FAM114A1: variants seen among roughly 807,000 people sequenced by gnomAD.
FAM114A1 encodes family with sequence similarity 114 member A1.
In FAM114A1, 62 loss-of-function variants were observed where a neutral mutation model predicts 64.3. The ratio of observed to expected loss-of-function variants is 0.96; its 90% confidence interval spans 0.79 to 1.19. The LOEUF is 1.19. Ranked by LOEUF, FAM114A1 falls within the 50% of genes most tolerant of loss-of-function variation. The pLI, the probability that FAM114A1 is intolerant of heterozygous loss-of-function variation, is 0.00. For missense variants in FAM114A1, 645 were observed against 676.3 expected (o/e 0.95, Z 0.51); for synonymous variants, 254 against 251.1 (o/e 1.01, Z -0.11).
In FAM114A1 at chr4:38,931,610, G is replaced by A; in HGVS notation, c.1321G>A (p.Glu441Lys). The A allele has an allele frequency of 6.2e-7, 1 of 1,611,570 alleles. No individual in the cohort carries two copies. The highest frequency in any genetic ancestry group is 8.5e-7 in the Non-Finnish European group (1 of 1,179,046). ...KKEEKKTKTI[E>K]EVYMSSIESL... is the part of the protein sequence containing the mutation. ...GGAGGAAAAGAAAACTAAGACCATA[G>A]AGGTAAATTCATTCTAGATTGTCTG... The change falls in exon 11 of 15, where the codon GAG becomes AAG. Residue 441 changes from glutamate to lysine, a missense_variant and splice_region_variant. By Grantham distance (56) the Glu-to-Lys change is moderately conservative (BLOSUM62 1). Coordinates refer to ENST00000358869, the MANE Select transcript of FAM114A1 (RefSeq NM_138389.4).
At chr4:38,905,338 G>C (rs1289120787) in intron 4 of FAM114A1, among the ~76,000 whole-genome samples, 184 bp from the exon 5 acceptor site, 1 of 151,782 alleles carries the variant, frequency 6.6e-6, no homozygotes, top group Non-Finnish European at 1.5e-5. Flanking sequence ...GGCGGAGGTT[G>C]CAGTGAGCCA....
At position 38,915,134 on chromosome 4, in the gene FAM114A1, G is replaced by A. The variant is rs115833611; in HGVS notation, c.945+61G>A. On this transcript the variant is annotated intron_variant, in intron 8 of 14. Transcript: ENST00000358869. ...AGTCATGTGTTGCTTAAACATGAAAGAAACTGGAAAATCTGCCATTAAAAG... is the reference window on the plus strand; with the variant it reads ...AGTCATGTGTTGCTTAAACATGAAAAAAACTGGAAAATCTGCCATTAAAAG... 7.9e-4 allele frequency: 1,235 copies of A among 1,572,408 alleles called. 13 individuals are homozygous for A. In the African/African-American group the frequency reaches 0.015, roughly 19 times the overall value.
At chr4:38,940,669 G>A (rs1721515469) in intron 13 of FAM114A1, among the ~76,000 whole-genome samples, 4 of 152,168 alleles carry the variant, frequency 2.6e-5, no homozygotes, top group Admixed American at 6.5e-5. Context: ...AAAAGGTCTC[G>A]GTTTCAATTT....
intron 4 of FAM114A1, among the ~76,000 whole-genome samples, chr4:38,896,793 T>C (rs1201950608): frequency 6.6e-6 from 1 of 152,220 alleles, no homozygotes; most frequent in Non-Finnish European, 1.5e-5. Context: ...GGAAAACAGA[T>C]CATTCACAGT....
chr4:38,879,958 A>C (rs1367314839), intron 3 of FAM114A1, among the ~76,000 whole-genome samples: 1 of 152,072 alleles, frequency 6.6e-6, no homozygotes, highest in African/African-American at 2.4e-5. Flanking sequence ...AGTCCCTGCT[A>C]CTTAGGAAGA....
In FAM114A1 at chr4:38,905,831, G is replaced by A; in HGVS notation, c.627G>A (p.Leu209=). 6.2e-7 allele frequency: 1 copy of A among 1,613,972 alleles called. No homozygotes were observed. The highest frequency in any genetic ancestry group is 8.5e-7 in the Non-Finnish European group (1 of 1,179,968). Residue 209 remains leucine (L), a synonymous_variant, in exon 6 of 15, where the codon CTG becomes CTA. Transcript: ENST00000358869. Reference sequence around the variant, plus strand: ...CTTCATCAGCCTCTCGGGGTATGCTGTCTGCCATCACCAATGTGGTTCAAA... The same window carrying A: ...CTTCATCAGCCTCTCGGGGTATGCTATCTGCCATCACCAATGTGGTTCAAA... ...TSPSSASRGM[L]SAITNVVQNT... is the part of the protein sequence containing the mutation.
intron 3 of FAM114A1, among the ~76,000 whole-genome samples, chr4:38,888,092 A>G (rs1038550188): frequency 6.6e-6 from 1 of 152,214 alleles, no homozygotes; most frequent in African/African-American, 2.4e-5. Context: ...TTTGAATTTG[A>G]TGGAGTTCTG....
chr4:38,922,011 G>C (rs556250556), intron 8 of FAM114A1, among the ~76,000 whole-genome samples: 1 of 152,014 alleles, frequency 6.6e-6, no homozygotes, highest in Non-Finnish European at 1.5e-5. Flanking sequence ...GCGCGATCTC[G>C]GCTCACTGCA....
chr4:38,939,984 G>T (rs1721464326), intron 13 of FAM114A1, among the ~76,000 whole-genome samples: 1 of 151,404 alleles, frequency 6.6e-6, no homozygotes, highest in Non-Finnish European at 1.5e-5. Context: ...TGCCTCCTAG[G>T]TTTAAGCAAT....
chr4:38,906,275 A>C (rs1717994022), intron 6 of FAM114A1, among the ~76,000 whole-genome samples: 1 of 152,190 alleles, frequency 6.6e-6, no homozygotes, highest in Non-Finnish European at 1.5e-5. Context: ...ACCCGTTACA[A>C]GACAGGAAAA....
intron 7 of FAM114A1, among the ~76,000 whole-genome samples, chr4:38,909,246 A>G (rs1010510612): frequency 2.0e-5 from 3 of 152,226 alleles, no homozygotes; most frequent in African/African-American, 7.2e-5. Flanking sequence ...ACTGGGGATA[A>G]TTTAAATACC....
chr4:38,887,112 C>A (rs370359811), intron 3 of FAM114A1, among the ~76,000 whole-genome samples: 7 of 152,018 alleles, frequency 4.6e-5, no homozygotes, highest in African/African-American at 1.7e-4. Context: ...AATTGTGAAT[C>A]GCAGGGTAGT....
rs772288907 is a variant in FAM114A1 at position 38,929,210 on chromosome 4, A to G, written c.1070-32A>G. On this transcript the variant is annotated intron_variant, in intron 9 of 14. Coordinates refer to ENST00000358869, the MANE Select transcript of FAM114A1 (RefSeq NM_138389.4). Reference sequence around the variant, plus strand: ...CCACATCCTGAAGGATGAAAAATAAATCACGCTTCTTCTGTCGTGTTCTAT... The same window carrying G: ...CCACATCCTGAAGGATGAAAAATAAGTCACGCTTCTTCTGTCGTGTTCTAT... 2.0e-6 allele frequency: 3 copies of G among 1,537,456 alleles called. No individual in the cohort carries two copies. The South Asian group carries it at 3.3e-5, about 17-fold the overall frequency.
chr4:38,882,554 G>A (rs550322498), intron 3 of FAM114A1, among the ~76,000 whole-genome samples: 16 of 152,094 alleles, frequency 1.1e-4, no homozygotes, highest in Non-Finnish European at 1.6e-4. Flanking sequence ...ACTTGAACCC[G>A]GGAGGCGGAG....
intron 9 of FAM114A1, among the ~76,000 whole-genome samples, chr4:38,927,956 A>G (rs1007487791): frequency 6.6e-6 from 1 of 152,228 alleles, no homozygotes; most frequent in Non-Finnish European, 1.5e-5. Context: ...TGCTGGGATT[A>G]CAGGCGTGAG....
rs755315955 is a variant in FAM114A1 at position 38,943,668 on chromosome 4, A to G, written c.*111A>G. 82 of 818,244 alleles carry G rather than the reference A, an allele frequency of 1.0e-4. No homozygotes were observed. Among genetic ancestry groups the G allele is most frequent in the Middle Eastern group, 3.6e-4 (1 of 2,772 alleles). The allele number at this position is 818,244 out of a possible 1,614,324, so 50.7% of individuals were successfully genotyped here. The stretch of plus-strand genomic sequence containing the variant: ...TGGCCACAGACATCCATTTGAGGAC[A>G]CTACAAGCAATTTTGCACAGACAAT... On this transcript the variant is annotated 3_prime_UTR_variant, in exon 15 of 15. Coordinates refer to ENST00000358869, the MANE Select transcript of FAM114A1 (RefSeq NM_138389.4).
At chr4:38,915,580 G>A (rs887550444) in intron 8 of FAM114A1, among the ~76,000 whole-genome samples, 1 of 152,140 alleles carries the variant, frequency 6.6e-6, no homozygotes, top group African/African-American at 2.4e-5. Flanking sequence ...CTTACTGAAG[G>A]TTAAGGTTCT....
At chr4:38,915,974 C>A (rs531477034) in intron 8 of FAM114A1, among the ~76,000 whole-genome samples, 15 of 152,210 alleles carry the variant, frequency 9.9e-5, no homozygotes, top group African/African-American at 2.9e-4. Context: ...GAGGGAGGGG[C>A]CGTGGTGACA....
chr4:38,895,113 G>A (rs907229870), intron 4 of FAM114A1, among the ~76,000 whole-genome samples: 5 of 152,212 alleles, frequency 3.3e-5, no homozygotes, highest in African/African-American at 1.2e-4. Flanking sequence ...AGTCTCTGGA[G>A]GATAGGGTGG....
Sources: allele counts gnomAD v4.1 joint callset (sites outside exome capture counted in the v4.1 genomes callset), GRCh38; gene constraint gnomAD v4.1.1; transcripts MANE v1.5; gene names NCBI Gene and HGNC (gene_info 2026-07-23, HGNC 2026-07-21).